ANO5: variants seen among roughly 807,000 people sequenced by gnomAD.
ANO5 encodes the protein anoctamin-5.
In ANO5, 109 loss-of-function variants were observed where a neutral mutation model predicts 121.0. The observed-to-expected ratio is 0.90, with a 90% CI of 0.77 to 1.06. ANO5 has a LOEUF of 1.06. Among genes scored for constraint, ANO5 ranks in the 50% least tolerant of loss-of-function variants. The pLI, the probability that ANO5 is intolerant of heterozygous loss-of-function variation, is 0.00. For synonymous variants in ANO5, 406 were observed against 359.9 expected, an observed-to-expected ratio of 1.13 and a Z score of -1.45; for missense variants, 1,064 against 1,078.5, an observed-to-expected ratio of 0.99 and a Z score of 0.19.
intron 20 of ANO5, among the ~76,000 whole-genome samples, chr11:22,275,309 G>GAC (rs56171321): frequency 0.099 from 14,779 of 148,544 alleles, 796 homozygotes; most frequent in Non-Finnish European, 0.14. Flanking sequence ...ACAATTTAAA[G>GAC]ACACACACAC....
At chr11:22,257,838 T>G in intron 14 of ANO5, 84 bp downstream of exon 14, 1 of 1,181,732 alleles carries the variant, frequency 8.5e-7, no homozygotes, top group South Asian at 1.3e-5. Flanking sequence ...ACAATGTCTC[T>G]TGAGTCTTTC....
intron 1 of ANO5, among the ~76,000 whole-genome samples, chr11:22,195,960 C>T (rs542483351): frequency 1.3e-5 from 2 of 152,152 alleles, no homozygotes; most frequent in African/African-American, 4.8e-5. Context: ...GAGATCAGGG[C>T]CTAAAGAGCA....
intron 7 of ANO5, among the ~76,000 whole-genome samples, chr11:22,229,731 T>G (rs1339498576): frequency 6.6e-6 from 1 of 152,024 alleles, no homozygotes; most frequent in Non-Finnish European, 1.5e-5. Flanking sequence ...CAGTATTCAT[T>G]TACCTCTACT....
Position 22,226,013 on chromosome 11 carries a change from C to G in ANO5, c.324C>G (p.Leu108=), listed in dbSNP as rs1564922535. 2 of 1,608,496 alleles carry G rather than the reference C, an allele frequency of 1.2e-6. No individual in the cohort carries two copies. The highest frequency in any genetic ancestry group is 1.7e-6 in the Non-Finnish European group (2 of 1,175,564). The change falls in exon 6 of 22, where the codon CTC becomes CTG. Residue 108 remains leucine (L), a synonymous_variant. Coordinates refer to ENST00000324559, the MANE Select transcript of ANO5 (RefSeq NM_213599.3). ...AERRKEFETN[L]RKTGLELEIE... is the part of the protein sequence containing the mutation. ...GAAGAAAAGAGTTTGAAACTAATCT[C>G]AGAAAAACAGGTCTTGAGTTGGAAA...
rs942086552 is a variant in ANO5, at chr11:22,241,288, C to T, written c.878+1604C>T. Among the ~76,000 whole-genome samples the T allele has an allele frequency of 6.5e-4, 6 of 9,302 alleles. No homozygotes were observed. The African/African-American group carries it at 6.9e-3, about 11-fold the overall frequency. The allele number at this position is 9,302 out of a possible 152,430, so 6.1% of individuals were successfully genotyped here. A position where few individuals can be genotyped will look rare whatever the true frequency, so the allele number is the denominator to read the frequency against. ...ATATACCACGTTTTATTTATCTGCT[C>T]CACCATTAATGGTCACCCAGGTTGA... On this transcript the variant is annotated intron_variant, in intron 9 of 21. Coordinates refer to ENST00000324559, the MANE Select transcript of ANO5 (RefSeq NM_213599.3).
chr11:22,267,241 T>C (rs1035091403), intron 17 of ANO5, among the ~76,000 whole-genome samples: 23 of 152,012 alleles, frequency 1.5e-4, no homozygotes, highest in African/African-American at 5.3e-4. Flanking sequence ...TTATACATTT[T>C]AACATTATTG....
At chr11:22,203,362 G>A (rs1004498786) in intron 1 of ANO5, among the ~76,000 whole-genome samples, 1 of 152,040 alleles carries the variant, frequency 6.6e-6, no homozygotes, top group Non-Finnish European at 1.5e-5. Flanking sequence ...AAGTACTCTG[G>A]CCTGTGTAGA....
chr11:22,242,445 G>A (rs79385925), intron 9 of ANO5, among the ~76,000 whole-genome samples: 3,684 of 152,124 alleles, frequency 0.024, 187 homozygotes, highest in East Asian at 0.21. Flanking sequence ...CATTGGTAGT[G>A]TGATAGGAAT....
At chr11:22,266,746 G>A (rs1488708340) in intron 17 of ANO5, among the ~76,000 whole-genome samples, 1 of 151,912 alleles carries the variant, frequency 6.6e-6, no homozygotes, top group Non-Finnish European at 1.5e-5. Flanking sequence ...TTAATAATAT[G>A]TTTAGGTCAC....
At chr11:22,237,252 G>A (rs1376328578) in intron 8 of ANO5, among the ~76,000 whole-genome samples, 1 of 152,150 alleles carries the variant, frequency 6.6e-6, no homozygotes. Flanking sequence ...ATTGAAACAA[G>A]TGGCAGCTAA....
intron 14 of ANO5, among the ~76,000 whole-genome samples, chr11:22,259,111 C>T (rs1383262669): frequency 5.0e-5 from 7 of 139,990 alleles, no homozygotes; most frequent in Admixed American, 1.5e-4. Flanking sequence ...CCAGCCTGGG[C>T]GACAGAGCGA....
intron 2 of ANO5, among the ~76,000 whole-genome samples, chr11:22,205,525 C>A (rs1475701745): frequency 1.4e-5 from 2 of 141,304 alleles, no homozygotes; most frequent in East Asian, 4.0e-4. Flanking sequence ...GACTCTTGGG[C>A]CCAGGCTGTC....
chr11:22,255,393 G>T lies in ANO5; in HGVS notation c.1203G>T (p.Trp401Cys), dbSNP rs886042339. Residue 401 changes from tryptophan (W) to cysteine (C), a missense_variant, in exon 13 of 22, where the codon TGG (tryptophan) becomes TGT (cysteine). Trp to Cys is a radical substitution (Grantham distance 215, BLOSUM62 -2). Coordinates refer to ENST00000324559, the MANE Select transcript of ANO5 (RefSeq NM_213599.3). ...GIWVTLFLEFWKQRQARLEYE... is the reference protein window; with the variant it reads ...GIWVTLFLEFCKQRQARLEYE... Reference sequence around the variant, plus strand: ...TAGTCACCTTATTTTTGGAGTTTTGGAAACAACGACAAGCCAGACTGGAAT... The same window carrying T: ...TAGTCACCTTATTTTTGGAGTTTTGTAAACAACGACAAGCCAGACTGGAAT... 10 of 1,610,072 alleles carry T rather than the reference G, an allele frequency of 6.2e-6. No individual in the cohort carries two copies. Among genetic ancestry groups the T allele is most frequent in the Admixed American group, 1.7e-5 (1 of 59,920 alleles).
At position 22,200,102 on chromosome 11, in the gene ANO5, A is replaced by C. The variant is rs182766689; in HGVS notation, c.41-3702A>C. Among the ~76,000 whole-genome samples the C allele has an allele frequency of 5.9e-5, 9 of 152,290 alleles. No individual in the cohort carries two copies. The East Asian group carries it at 1.5e-3, about 26-fold the overall frequency. Reference sequence around the variant, plus strand: ...CTGACATATTTCATTTTAAAATACCAAAACGTAATGCTAACATCATCACTG... The same window carrying C: ...CTGACATATTTCATTTTAAAATACCCAAACGTAATGCTAACATCATCACTG... On this transcript the variant is annotated intron_variant, in intron 1 of 21. Coordinates refer to ENST00000324559, the MANE Select transcript of ANO5 (RefSeq NM_213599.3).
chr11:22,247,693 T>C (rs1261920063), intron 9 of ANO5, among the ~76,000 whole-genome samples: 6 of 152,084 alleles, frequency 3.9e-5, no homozygotes, highest in African/African-American at 1.4e-4. Flanking sequence ...CACTTTAATG[T>C]CCAGATATCT....
chr11:22,248,366 C>G, intron 9 of ANO5, among the ~76,000 whole-genome samples: 1 of 151,974 alleles, frequency 6.6e-6, no homozygotes, highest in Non-Finnish European at 1.5e-5. Flanking sequence ...AGAAGGCTCT[C>G]CCTATATTTG....
At chr11:22,267,688 T>C (rs1240165087) in intron 17 of ANO5, among the ~76,000 whole-genome samples, 6 of 151,890 alleles carry the variant, frequency 4.0e-5, no homozygotes, top group African/African-American at 1.5e-4. Flanking sequence ...TCATGGGGGT[T>C]TGTTGTATAG....
Position 22,227,406 on chromosome 11 carries a change from T to C in ANO5, c.468T>C (p.Ser156=), listed in dbSNP as rs2133611968. 7.4e-6 allele frequency: 12 copies of C among 1,613,238 alleles called. No homozygotes were observed. The highest frequency in any genetic ancestry group is 1.7e-5 in the Admixed American group (1 of 59,832). The change falls in exon 7 of 22, where the codon AGT becomes AGC. Residue 156 remains serine (S), a synonymous_variant. Coordinates refer to ENST00000324559, the MANE Select transcript of ANO5 (RefSeq NM_213599.3). ...GAATCAAAATGCCTATTAAGGAGAGTGATATTCCCCGCCCTAAGCACACTC... is the reference window on the plus strand; with the variant it reads ...GAATCAAAATGCCTATTAAGGAGAGCGATATTCCCCGCCCTAAGCACACTC... ...VLGIKMPIKE[S]DIPRPKHTPI...
At position 22,271,736 on chromosome 11, in the gene ANO5, CATTTT is replaced by C. The variant is rs1445855304; in HGVS notation, c.2030-1044_2030-1040del. Among the ~76,000 whole-genome samples, 3 of 152,254 alleles carry C rather than the reference CATTTT, an allele frequency of 2.0e-5. No homozygotes were observed. In the East Asian group the frequency reaches 5.8e-4, roughly 29 times the overall value. ...TCTGCAGAGTATTCATTATTCTACA[CATTTT>C]ATTGTTGTGAATTCTGAAACTTGCA... On this transcript the variant is annotated intron_variant, in intron 18 of 21. Transcript: ENST00000324559.
Sources: allele counts gnomAD v4.1 joint callset (sites outside exome capture counted in the v4.1 genomes callset), GRCh38; gene constraint gnomAD v4.1.1; transcripts MANE v1.5; gene names NCBI Gene and HGNC (gene_info 2026-07-23, HGNC 2026-07-21).